Variants in NUP155 observed in about 807,000 individuals in gnomAD.
NUP155 encodes nuclear pore complex protein Nup155.
A neutral mutation model predicts 180.4 loss-of-function variants in NUP155; 71 were observed. The ratio of observed to expected loss-of-function variants is 0.39; its 90% CI spans 0.33 to 0.48. The LOEUF (loss-of-function observed/expected upper bound fraction) is 0.48, where lower values mean the gene tolerates loss of function less well. Among genes scored for constraint, NUP155 ranks in the 20% least tolerant of loss-of-function variants. NUP155 has a pLI of 0.91. For missense variants in NUP155, 1,553 were observed against 1,648.9 expected, an observed-to-expected ratio of 0.94 and a Z score of 1.01; for synonymous variants, 582 against 559.5, an observed-to-expected ratio of 1.04 and a Z score of -0.57.
chr5:37,307,962 T>C (rs1743271824), intron 24 of NUP155, among the ~76,000 whole-genome samples: 1 of 146,884 alleles, frequency 6.8e-6, no homozygotes, highest in Non-Finnish European at 1.5e-5. Context: ...AATATATATA[T>C]ATATATATTT....
At chr5:37,344,638 C>T (rs977842467) in intron 9 of NUP155, among the ~76,000 whole-genome samples, 3 of 151,770 alleles carry the variant, frequency 2.0e-5, no homozygotes, top group Non-Finnish European at 4.4e-5. Flanking sequence ...CAGTGGCTCA[C>T]GCCTGTAATC....
chr5:37,316,165 C>A (rs1288560061), intron 21 of NUP155, among the ~76,000 whole-genome samples: 2 of 152,118 alleles, frequency 1.3e-5, no homozygotes, highest in Non-Finnish European at 2.9e-5. Flanking sequence ...AACTCAGTGT[C>A]CATCAACAGA....
chr5:37,347,512 A>G (rs1053360004), intron 9 of NUP155, among the ~76,000 whole-genome samples: 1 of 151,102 alleles, frequency 6.6e-6, no homozygotes, highest in African/African-American at 2.4e-5. Context: ...CCTGACCAAC[A>G]TGGAGAAAAC....
intron 28 of NUP155, among the ~76,000 whole-genome samples, 156 bp from the exon 29 acceptor site, chr5:37,303,064 G>A (rs964247872): frequency 1.3e-5 from 2 of 151,550 alleles, no homozygotes; most frequent in African/African-American, 2.4e-5. Context: ...ATCTATTTTA[G>A]ATTTCTCATA....
intron 10 of NUP155, among the ~76,000 whole-genome samples, chr5:37,341,563 C>T (rs1310538384): frequency 6.6e-6 from 1 of 151,258 alleles, no homozygotes; most frequent in Non-Finnish European, 1.5e-5. Flanking sequence ...TTTTTTGAGA[C>T]AGAATCTTGC....
intron 15 of NUP155, 34 bp downstream of exon 15, chr5:37,330,004 A>G (rs1268258435): frequency 6.7e-7 from 1 of 1,481,946 alleles, no homozygotes. Context: ...CCAGTAAAAA[A>G]ACAAATAAAT....
At position 37,307,428 on chromosome 5, in the gene NUP155, T is replaced by C; in HGVS notation, c.2772A>G (p.Arg924=). 1.2e-6 allele frequency: 2 copies of C among 1,613,924 alleles called. No homozygotes were observed. Among genetic ancestry groups the C allele is most frequent in the Non-Finnish European group, 1.7e-6 (2 of 1,179,954 alleles). Residue 924 remains arginine (R), a synonymous_variant, in exon 25 of 35, where the codon AGA becomes AGG. Coordinates refer to ENST00000231498, the MANE Select transcript of NUP155 (RefSeq NM_153485.3). The part of the protein sequence containing the change: ...SNVCAQYRQV[R]FYEGVVELSL... Reference sequence around the variant, plus strand: ...AAAGTTCCACCACACCCTCATAAAATCTCACTGATGGGAAAGAAAAGAATG... The same window carrying C: ...AAAGTTCCACCACACCCTCATAAAACCTCACTGATGGGAAAGAAAAGAATG...
chr5:37,312,730 A>AC (rs1286114243), intron 22 of NUP155, among the ~76,000 whole-genome samples: 1 of 152,120 alleles, frequency 6.6e-6, no homozygotes, highest in Non-Finnish European at 1.5e-5. Context: ...TCGGGAGGCT[A>AC]AAGTAGGAGA....
intron 9 of NUP155, among the ~76,000 whole-genome samples, chr5:37,343,316 C>T (rs763204362): frequency 1.7e-4 from 26 of 152,036 alleles, no homozygotes; most frequent in Admixed American, 5.9e-4. Flanking sequence ...CCTCATGATC[C>T]GCCTGCCTTG....
At chr5:37,369,101 A>C in intron 1 of NUP155, among the ~76,000 whole-genome samples, 1 of 152,160 alleles carries the variant, frequency 6.6e-6, no homozygotes, top group East Asian at 1.9e-4. Flanking sequence ...AAAAATTAAA[A>C]ATTAGCTGGG....
In NUP155 at chr5:37,327,682, A is replaced by G. The variant is rs1439150371; in HGVS notation, c.1971T>C (p.Ile657=). ...TACCATTGTGTTTTCCAGAGTACAC[A>G]ATCTCTGGTCCAGTCACACAACTCA... is the stretch of plus-strand genomic sequence containing the variant. ...TNMSCVTGPE[I]VYSGKHNGIC... Residue 657 remains isoleucine (I), a synonymous_variant, in exon 18 of 35, where the codon ATT becomes ATC. Coordinates refer to ENST00000231498, the MANE Select transcript of NUP155 (RefSeq NM_153485.3). The G allele has an allele frequency of 6.2e-7, 1 of 1,614,002 alleles. No individual in the cohort carries two copies. The highest frequency in any genetic ancestry group is 1.3e-5 in the African/African-American group (1 of 74,934).
chr5:37,288,770 T>TTGGGGGGGTG lies in NUP155; in HGVS notation c.*3129_*3130insCACCCCCCCA, dbSNP rs1742120517. 4.4e-5 allele frequency: 1 copy of TTGGGGGGGTG among 22,634 alleles called. No individual in the cohort carries two copies. Among genetic ancestry groups the TTGGGGGGGTG allele is most frequent in the Non-Finnish European group, 9.2e-5 (1 of 10,866 alleles). 1.4% of individuals were successfully genotyped at this position (22,634 alleles called of 1,614,324 possible). A position where few individuals can be genotyped will look rare whatever the true frequency, so the allele number is the denominator to read the frequency against. ...ATTAAAAAAAAAAAAAAAAAAAAAG[T>TTGGGGGGGTG]AGGGGGGGTGGGGCTAGGCGCAGTG... On this transcript the variant is annotated 3_prime_UTR_variant, in exon 35 of 35. Transcript: ENST00000231498.
intron 10 of NUP155, chr5:37,342,306 C>T (rs1745778610): frequency 2.5e-6 from 1 of 403,802 alleles, no homozygotes; most frequent in Non-Finnish European, 4.6e-6. Flanking sequence ...CTTGATCTCC[C>T]AAAGCGCTAG....
At chr5:37,339,653 T>C (rs1300871426) in intron 11 of NUP155, among the ~76,000 whole-genome samples, 1 of 152,010 alleles carries the variant, frequency 6.6e-6, no homozygotes, top group African/African-American at 2.4e-5. Context: ...CTTGGAAAAA[T>C]ATTCTGTATT....
intron 20 of NUP155, among the ~76,000 whole-genome samples, chr5:37,323,545 CATAT>C (rs1255960628): frequency 2.0e-5 from 3 of 151,406 alleles, no homozygotes; most frequent in African/African-American, 7.3e-5. Context: ...ATATTCCATT[CATAT>C]AAATATTTCT....
intron 21 of NUP155, among the ~76,000 whole-genome samples, chr5:37,315,946 G>T (rs1026094347): frequency 6.6e-6 from 1 of 152,026 alleles, no homozygotes; most frequent in Middle Eastern, 3.2e-3. Context: ...GTCTCAAAAA[G>T]AAATAAAGAT....
At chr5:37,337,021 C>G (rs1745373360) in intron 12 of NUP155, among the ~76,000 whole-genome samples, 1 of 152,124 alleles carries the variant, frequency 6.6e-6, no homozygotes, top group African/African-American at 2.4e-5. Flanking sequence ...GATCAGCAGC[C>G]TCTGTGGGCT....
chr5:37,333,959 G>A (rs865899825), intron 12 of NUP155, among the ~76,000 whole-genome samples: 12 of 151,606 alleles, frequency 7.9e-5, no homozygotes, highest in South Asian at 6.3e-4. Context: ...ATGTCACCAC[G>A]CCCAGCTAAT....
intron 5 of NUP155, 149 bp downstream of exon 5, chr5:37,352,588 T>G (rs533284739): frequency 3.1e-6 from 2 of 648,888 alleles, no homozygotes; most frequent in African/African-American, 3.7e-5. Context: ...CAATGTTAAC[T>G]TGTGGAAAAG....
Sources: gnomAD v4.1 joint callset for allele counts (sites outside exome capture counted in the v4.1 genomes callset) on GRCh38, gnomAD v4.1.1 for gene constraint, MANE v1.5 for transcripts, NCBI Gene and HGNC (gene_info 2026-07-23, HGNC 2026-07-21) for gene names.